MBOAT1: variants seen among roughly 807,000 people sequenced by gnomAD.
The protein encoded by MBOAT1 is membrane bound glycerophospholipid O-acyltransferase 1, also known as membrane-bound glycerophospholipid O-acyltransferase 1.
MBOAT1 carries 67 observed loss-of-function variants against 64.4 expected under a neutral mutation model. The ratio of observed to expected loss-of-function variants is 1.04; its 90% CI spans 0.85 to 1.27. The LOEUF (loss-of-function observed/expected upper bound fraction) is 1.27, where lower values mean the gene tolerates loss of function less well. MBOAT1 is among the 50% of genes most tolerant of loss of function. The pLI is 0.00. For missense variants in MBOAT1, 563 were observed against 604.6 expected (o/e 0.93, Z 0.72); for synonymous variants, 229 against 218.9 (o/e 1.05, Z -0.41).
At chr6:20,147,369 A>G (rs2479092) in intron 3 of MBOAT1, among the ~76,000 whole-genome samples, 133,279 of 152,292 alleles carry the variant, frequency 0.88, 58,645 homozygotes, top group East Asian at 1. Context: ...GCTGGGTGTG[A>G]TGGCTCACGC....
At chr6:20,105,973 G>A (rs1482931428) in intron 12 of MBOAT1, among the ~76,000 whole-genome samples, 2 of 152,170 alleles carry the variant, frequency 1.3e-5, no homozygotes, top group Non-Finnish European at 2.9e-5. Context: ...AGCACTCTAA[G>A]GCTGAGATCT....
chr6:20,112,364 G>GC (rs1235703241), intron 11 of MBOAT1, among the ~76,000 whole-genome samples: 3 of 152,092 alleles, frequency 2.0e-5, no homozygotes, highest in African/African-American at 7.2e-5. Context: ...CACAAACTAA[G>GC]CTAACTGCGT....
At chr6:20,126,822 T>C in intron 6 of MBOAT1, 122 bp from the exon 7 acceptor site, 1 of 763,706 alleles carries the variant, frequency 1.3e-6, no homozygotes, top group Non-Finnish European at 2.1e-6. Flanking sequence ...CCTTTCCTTG[T>C]TTTGTTTCTA....
intron 8 of MBOAT1, among the ~76,000 whole-genome samples, chr6:20,121,063 C>T (rs1760479096): frequency 6.6e-6 from 1 of 152,172 alleles, no homozygotes; most frequent in Non-Finnish European, 1.5e-5. Context: ...TACTAAGTAG[C>T]AGGGAGAAAA....
chr6:20,152,881 G>C, intron 1 of MBOAT1, 112 bp from the exon 2 acceptor site: 1 of 1,179,744 alleles, frequency 8.5e-7, no homozygotes. Flanking sequence ...CGCCCAGGCT[G>C]GAGTGCAGTG....
At chr6:20,127,679 T>C (rs1760699758) in intron 6 of MBOAT1, among the ~76,000 whole-genome samples, 1 of 152,160 alleles carries the variant, frequency 6.6e-6, no homozygotes, top group South Asian at 2.1e-4. Flanking sequence ...CACCCCCAGA[T>C]GGGACCACCT....
intron 7 of MBOAT1, among the ~76,000 whole-genome samples, chr6:20,126,280 T>C (rs188028521): frequency 2.6e-5 from 4 of 152,328 alleles, no homozygotes; most frequent in South Asian, 2.1e-4. Context: ...GCACTAAATA[T>C]TGACTGATGA....
At chr6:20,187,263 C>A (rs1360759076) in intron 1 of MBOAT1, among the ~76,000 whole-genome samples, 1 of 152,208 alleles carries the variant, frequency 6.6e-6, no homozygotes. Flanking sequence ...TGGTGCCAAT[C>A]AGTTTTGCCT....
chr6:20,152,935 T>C (rs552984414), intron 1 of MBOAT1, among the ~76,000 whole-genome samples, 166 bp from the exon 2 acceptor site: 7 of 152,250 alleles, frequency 4.6e-5, no homozygotes, highest in Admixed American at 6.5e-5. Context: ...CAGGTTCACG[T>C]CATTCTCCTG....
At chr6:20,155,163 C>T (rs1392013528) in intron 1 of MBOAT1, among the ~76,000 whole-genome samples, 1 of 152,196 alleles carries the variant, frequency 6.6e-6, no homozygotes, top group Admixed American at 6.5e-5. Context: ...GTGTAGTCCC[C>T]CGACCAACAG....
At chr6:20,102,764 C>T (rs750381806) in intron 12 of MBOAT1, among the ~76,000 whole-genome samples, 12 of 152,172 alleles carry the variant, frequency 7.9e-5, no homozygotes, top group Non-Finnish European at 1.6e-4. Context: ...AAATTCAAAC[C>T]CAATACTGTC....
intron 4 of MBOAT1, among the ~76,000 whole-genome samples, chr6:20,135,035 A>G (rs843317): frequency 0.99 from 149,534 of 151,788 alleles, 73,699 homozygotes; most frequent in East Asian, 1. Context: ...ATTTCCTTAA[A>G]ATTATGAGGC....
At chr6:20,206,437 G>A (rs1187971020) in intron 1 of MBOAT1, among the ~76,000 whole-genome samples, 1 of 152,300 alleles carries the variant, frequency 6.6e-6, no homozygotes, top group East Asian at 1.9e-4. Flanking sequence ...GCCTCCCAAA[G>A]TGCTGGGATT....
chr6:20,184,676 C>A (rs1007195590), intron 1 of MBOAT1, among the ~76,000 whole-genome samples: 6 of 152,120 alleles, frequency 3.9e-5, no homozygotes, highest in Non-Finnish European at 8.8e-5. Flanking sequence ...GGTACACCCT[C>A]ATTCCCTACA....
chr6:20,190,695 C>A (rs1762778669), intron 1 of MBOAT1, among the ~76,000 whole-genome samples: 1 of 151,568 alleles, frequency 6.6e-6, no homozygotes, highest in South Asian at 2.1e-4. Flanking sequence ...CTGAGAAAGG[C>A]CACTGCTTAA....
At chr6:20,180,969 G>A (rs1159177239) in intron 1 of MBOAT1, among the ~76,000 whole-genome samples, 3 of 152,210 alleles carry the variant, frequency 2.0e-5, no homozygotes, top group Non-Finnish European at 4.4e-5. Context: ...AGCCTAAGCT[G>A]AGTTTAATGA....
At chr6:20,136,504 CCT>C (rs1290610544) in intron 4 of MBOAT1, among the ~76,000 whole-genome samples, 1 of 152,164 alleles carries the variant, frequency 6.6e-6, no homozygotes, top group African/African-American at 2.4e-5. Context: ...TTGCAAATAT[CCT>C]CTTTTTTTCC....
At chr6:20,152,362 T>A (rs1415097830) in intron 2 of MBOAT1, among the ~76,000 whole-genome samples, 16 of 143,102 alleles carry the variant, frequency 1.1e-4, no homozygotes, top group African/African-American at 4.0e-4. Context: ...AATAAATAAA[T>A]AAATTAATTA....
intron 1 of MBOAT1, among the ~76,000 whole-genome samples, chr6:20,173,340 C>A (rs537439774): frequency 6.6e-6 from 1 of 151,724 alleles, no homozygotes; most frequent in African/African-American, 2.4e-5. Flanking sequence ...AAACTGGTGT[C>A]TTCTAGATGT....
Sources: gnomAD v4.1 joint callset for allele counts (sites outside exome capture counted in the v4.1 genomes callset) on GRCh38, gnomAD v4.1.1 for gene constraint, MANE v1.5 for transcripts, NCBI Gene and HGNC (gene_info 2026-07-23, HGNC 2026-07-21) for gene names.